The following MPDZ variants were observed in gnomAD, a reference collection of about 807,000 sequenced individuals.
MPDZ encodes multiple PDZ domain protein.
In MPDZ, 234 loss-of-function variants were observed where a neutral mutation model predicts 239.1. The observed-to-expected ratio is 0.98, with a 90% CI of 0.88 to 1.09. The LOEUF (loss-of-function observed/expected upper bound fraction) is 1.09, where lower values mean the gene tolerates loss of function less well. Among genes scored for constraint, MPDZ ranks in the 50% least tolerant of loss-of-function variants. MPDZ has a pLI of 0.00. For synonymous variants in MPDZ, 1,048 were observed against 881.3 expected (o/e 1.19, Z -3.35); for missense variants, 3,175 against 2,510.0 (o/e 1.26, Z -5.66).
intron 3 of MPDZ, among the ~76,000 whole-genome samples, chr9:13,234,023 G>A (rs1963273628): frequency 1.3e-4 from 1 of 7,724 alleles, no homozygotes; most frequent in African/African-American, 1.4e-4. Context: ...ATTTAGATTT[G>A]TCTTCCCAAA....
At chr9:13,185,010 G>T (rs929025724) in intron 18 of MPDZ, among the ~76,000 whole-genome samples, 1 of 151,860 alleles carries the variant, frequency 6.6e-6, no homozygotes, top group Non-Finnish European at 1.5e-5. Flanking sequence ...TATTTCGTCG[G>T]GTACTTTAGA....
intron 21 of MPDZ, among the ~76,000 whole-genome samples, chr9:13,169,548 C>A (rs1180907415): frequency 2.0e-5 from 3 of 152,090 alleles, no homozygotes; most frequent in African/African-American, 7.2e-5. Flanking sequence ...AAGGCAACAC[C>A]TTCTCTTGCC....
At chr9:13,187,519 G>C (rs1031085091) in intron 17 of MPDZ, among the ~76,000 whole-genome samples, 1 of 151,940 alleles carries the variant, frequency 6.6e-6, no homozygotes, top group Admixed American at 6.6e-5. Flanking sequence ...TTACAAGCCT[G>C]GTTCGATTTC....
chr9:13,142,195 T>C (rs1371188852), intron 27 of MPDZ, among the ~76,000 whole-genome samples: 1 of 152,142 alleles, frequency 6.6e-6, no homozygotes, highest in Non-Finnish European at 1.5e-5. Context: ...TTTATACATC[T>C]TGCTGCATAA....
intron 3 of MPDZ, among the ~76,000 whole-genome samples, chr9:13,243,454 A>G (rs1366710736): frequency 6.6e-6 from 1 of 151,644 alleles, no homozygotes; most frequent in Non-Finnish European, 1.5e-5. Flanking sequence ...TAGTTATGTG[A>G]CTTTTTTTTT....
intron 1 of MPDZ, among the ~76,000 whole-genome samples, chr9:13,264,883 T>G (rs1971473772): frequency 1.3e-5 from 2 of 152,198 alleles, no homozygotes; most frequent in Non-Finnish European, 2.9e-5. Context: ...GTTCTCTCAC[T>G]CCTTAGTTAG....
chr9:13,188,825 G>A lies in MPDZ; in HGVS notation c.2323C>T (p.Pro775Ser). 6.2e-7 allele frequency: 1 copy of A among 1,613,458 alleles called. No individual in the cohort carries two copies. The change falls in exon 17 of 47, where the codon CCG becomes TCG. Residue 775 changes from proline (P) to serine (S), a missense_variant. Physicochemically the swap from Pro to Ser is moderately conservative, Grantham distance 74. Transcript: ENST00000319217. ...EEAVEALKGA[P>S]SGTVRIGVAK... ...ACTCCTATTCTCACAGTCCCTGACG[G>A]TGCTCCCTTCAGTGCTTCTACAGCT...
At position 13,147,662 on chromosome 9, in the gene MPDZ, C is replaced by T. The variant is rs532098506; in HGVS notation, c.3631-4G>A. The T allele has an allele frequency of 6.2e-7, 1 of 1,601,294 alleles. No individual in the cohort carries two copies. Among genetic ancestry groups the T allele is most frequent in the Non-Finnish European group, 8.6e-7 (1 of 1,169,396 alleles). On this transcript the variant is annotated splice_region_variant and splice_polypyrimidine_tract_variant and intron_variant, in intron 25 of 46. Coordinates refer to ENST00000319217, the MANE Select transcript of MPDZ (RefSeq NM_001378778.1). ...CTCTGAGGTCCATTCCATCCACCTG[C>T]AATGGAAGGCCTCAGCTTAACATTT... is the stretch of plus-strand genomic sequence containing the variant.
At position 13,172,526 on chromosome 9, in the gene MPDZ, G is replaced by A. The variant is rs184536992; in HGVS notation, c.3055+3226C>T. ...GCCTCCTGAGTAGCTGGGATTACAG[G>A]TGCCCACCACCACCACGCTCAGCTA... On this transcript the variant is annotated intron_variant, in intron 21 of 46. Coordinates refer to ENST00000319217, the MANE Select transcript of MPDZ (RefSeq NM_001378778.1). 2.3e-3 allele frequency among the ~76,000 whole-genome samples: 354 copies of A among 152,004 alleles called. 1 individual carries two copies. Among genetic ancestry groups the A allele is most frequent in the Non-Finnish European group, 4.0e-3 (271 of 67,962 alleles).
intron 2 of MPDZ, 112 bp downstream of exon 2, chr9:13,250,188 A>C: frequency 1.0e-6 from 1 of 1,000,116 alleles, no homozygotes; most frequent in East Asian, 2.6e-5. Context: ...AAACTTTTTA[A>C]ATCTAGATAC....
At chr9:13,266,489 G>C (rs1447230415) in intron 1 of MPDZ, among the ~76,000 whole-genome samples, 1 of 152,126 alleles carries the variant, frequency 6.6e-6, no homozygotes, top group Non-Finnish European at 1.5e-5. Flanking sequence ...TTTTGGTGGA[G>C]TATTTAGCAA....
intron 1 of MPDZ, among the ~76,000 whole-genome samples, chr9:13,250,750 C>CA (rs74457035): frequency 0.27 from 41,004 of 151,868 alleles, 5,739 homozygotes; most frequent in East Asian, 0.37. Context: ...AATTCTGTGG[C>CA]AAAATCATAA....
chr9:13,128,916 A>G (rs531076495), intron 32 of MPDZ, among the ~76,000 whole-genome samples: 7 of 152,144 alleles, frequency 4.6e-5, no homozygotes, highest in South Asian at 2.1e-4. Context: ...ACAGACAGGG[A>G]AAAAAACGGG....
intron 3 of MPDZ, among the ~76,000 whole-genome samples, chr9:13,231,047 G>A (rs1239885531): frequency 6.7e-6 from 1 of 150,302 alleles, no homozygotes; most frequent in Non-Finnish European, 1.5e-5. Context: ...ATACAATAAA[G>A]AAATTCAAAA....
At chr9:13,239,303 G>A (rs1437895108) in intron 3 of MPDZ, among the ~76,000 whole-genome samples, 2 of 152,116 alleles carry the variant, frequency 1.3e-5, no homozygotes, top group African/African-American at 2.4e-5. Flanking sequence ...GGAGTTCTAT[G>A]ATTAAGATCT....
intron 1 of MPDZ, among the ~76,000 whole-genome samples, chr9:13,271,990 G>A (rs1008307955): frequency 6.6e-6 from 1 of 152,088 alleles, no homozygotes; most frequent in East Asian, 1.9e-4. Context: ...AGATGGGAGG[G>A]GTGGGTAGAG....
intron 21 of MPDZ, among the ~76,000 whole-genome samples, chr9:13,170,731 T>C (rs1264855229): frequency 6.6e-6 from 1 of 152,162 alleles, no homozygotes; most frequent in African/African-American, 2.4e-5. Context: ...GCCAACATGA[T>C]CTCTGAATTC....
intron 45 of MPDZ, among the ~76,000 whole-genome samples, chr9:13,109,648 A>G (rs907484671): frequency 1.3e-5 from 2 of 152,194 alleles, no homozygotes; most frequent in Admixed American, 6.5e-5. Flanking sequence ...GCTCCATATT[A>G]CATGAAGTGG....
chr9:13,218,595 T>C (rs1958660942), intron 8 of MPDZ, among the ~76,000 whole-genome samples: 1 of 151,862 alleles, frequency 6.6e-6, no homozygotes, highest in South Asian at 2.1e-4. Context: ...AACAGAATCA[T>C]GGAAATTACA....
Sources: allele counts gnomAD v4.1 joint callset (sites outside exome capture counted in the v4.1 genomes callset), GRCh38; gene constraint gnomAD v4.1.1; transcripts MANE v1.5; gene names NCBI Gene and HGNC (gene_info 2026-07-23, HGNC 2026-07-21).